GLIS1: variants seen among roughly 807,000 people sequenced by gnomAD.
The protein encoded by GLIS1 is GLIS family zinc finger 1.
In GLIS1, 24 loss-of-function variants were observed where a neutral mutation model predicts 63.8. The observed-to-expected ratio is 0.38, with a 90% CI of 0.27 to 0.53. The LOEUF (loss-of-function observed/expected upper bound fraction) is 0.53. Among genes scored for constraint, GLIS1 ranks in the 20% least tolerant of loss-of-function variants. The probability of loss-of-function intolerance (pLI) is 0.85; values close to 1 mark genes in which losing one functional copy is unlikely to be tolerated. For missense variants in GLIS1, 1,036 were observed against 1,074.1 expected, an observed-to-expected ratio of 0.96 and a Z score of 0.50; for synonymous variants, 450 against 482.5, an observed-to-expected ratio of 0.93 and a Z score of 0.88.
At chr1:53,648,190 TA>T (rs1206218177) in intron 2 of GLIS1, among the ~76,000 whole-genome samples, 1 of 151,286 alleles carries the variant, frequency 6.6e-6, no homozygotes, top group Non-Finnish European at 1.5e-5. Flanking sequence ...AAATAAAAAT[TA>T]AAAAAAAGAC....
At position 53,506,775 on chromosome 1, in the gene GLIS1, G is replaced by C; in HGVS notation, c.2232C>G (p.Gly744=). 2 of 1,608,800 alleles carry C rather than the reference G, an allele frequency of 1.2e-6. No homozygotes were observed. Among genetic ancestry groups the C allele is most frequent in the Non-Finnish European group, 1.7e-6 (2 of 1,179,656 alleles). ...ATGAGGCCTCAGCCAGGGCCTCATAGCCTGTGAGTGGTTGGGAAAGGGTCA... is the reference window on the plus strand; with the variant it reads ...ATGAGGCCTCAGCCAGGGCCTCATACCCTGTGAGTGGTTGGGAAAGGGTCA... The part of the protein sequence containing the change: ...HSLSTPLPAT[G]YEALAEASCP... Residue 744 remains glycine, a splice_region_variant and synonymous_variant, in exon 11 of 11, where the codon GGC becomes GGG. Transcript: ENST00000628545.
chr1:53,507,108 A>G (rs1383190360), intron 10 of GLIS1, among the ~76,000 whole-genome samples: 1 of 152,094 alleles, frequency 6.6e-6, no homozygotes, highest in Non-Finnish European at 1.5e-5. Flanking sequence ...GGAGCAGCTC[A>G]GCCCTTGCCC....
chr1:53,624,650 C>T (rs1013889062), intron 2 of GLIS1, among the ~76,000 whole-genome samples: 18 of 151,972 alleles, frequency 1.2e-4, no homozygotes, highest in African/African-American at 4.1e-4. Context: ...AAGTGATCCT[C>T]CTGCCTCAGC....
At chr1:53,644,657 G>A (rs1454881502) in intron 2 of GLIS1, among the ~76,000 whole-genome samples, 1 of 152,326 alleles carries the variant, frequency 6.6e-6, no homozygotes, top group East Asian at 1.9e-4. Flanking sequence ...CCAGCAGAGG[G>A]AACAGATGGG....
chr1:53,603,455 A>G (rs1382361496), intron 2 of GLIS1, among the ~76,000 whole-genome samples: 5 of 152,184 alleles, frequency 3.3e-5, no homozygotes, highest in African/African-American at 1.2e-4. Context: ...AACACTGCAA[A>G]CACGTGTCCC....
chr1:53,705,075 T>C (rs1646564349), intron 2 of GLIS1, among the ~76,000 whole-genome samples: 1 of 152,222 alleles, frequency 6.6e-6, no homozygotes. Flanking sequence ...GGAGGCATTT[T>C]GCTTTTCAGG....
intron 2 of GLIS1, among the ~76,000 whole-genome samples, chr1:53,658,655 C>G (rs1030154862): frequency 6.6e-6 from 1 of 152,190 alleles, no homozygotes; most frequent in African/African-American, 2.4e-5. Flanking sequence ...CAGGTGGGTC[C>G]TCTGGGCCGA....
intron 2 of GLIS1, among the ~76,000 whole-genome samples, chr1:53,644,812 AG>A (rs1362170907): frequency 6.6e-6 from 1 of 152,200 alleles, no homozygotes; most frequent in Admixed American, 6.5e-5. Context: ...TGAGTGCCAC[AG>A]GGGCTCACTC....
At chr1:53,586,402 C>T (rs1301822777) in intron 4 of GLIS1, among the ~76,000 whole-genome samples, 2 of 152,182 alleles carry the variant, frequency 1.3e-5, no homozygotes, top group African/African-American at 4.8e-5. Context: ...GTCACAGAGC[C>T]AGCCCATGGC....
intron 2 of GLIS1, among the ~76,000 whole-genome samples, chr1:53,710,387 T>C (rs1646634494): frequency 6.6e-6 from 1 of 152,254 alleles, no homozygotes; most frequent in Admixed American, 6.5e-5. Flanking sequence ...TCTCGCATGC[T>C]TTATCTCATT....
rs1302715288 is a variant in GLIS1, at chr1:53,539,538, C to A, written c.1321-9586G>T. 1.7e-5 allele frequency among the ~76,000 whole-genome samples: 1 copy of A among 58,184 alleles called. No homozygotes were observed. Among genetic ancestry groups the A allele is most frequent in the African/African-American group, 5.1e-5 (1 of 19,502 alleles). 38.2% of individuals were successfully genotyped at this position (58,184 alleles called of 152,430 possible). ...CCACACCACACACACACATACCACA[C>A]GGTATACACCCCCCCACACACACTA... is the stretch of plus-strand genomic sequence containing the variant. On this transcript the variant is annotated intron_variant, in intron 4 of 10. Coordinates refer to ENST00000628545, the MANE Select transcript of GLIS1 (RefSeq NM_001367484.1). This position sits in a 1 kb window ranked among gnomAD's most constrained non-coding sequence, Gnocchi z 5.0.
chr1:53,726,260 C>T (rs757420438), intron 2 of GLIS1, among the ~76,000 whole-genome samples: 1 of 152,022 alleles, frequency 6.6e-6, no homozygotes, highest in Non-Finnish European at 1.5e-5. Flanking sequence ...GCAGCTAACA[C>T]CTACCAGCTC....
At chr1:53,702,025 A>C (rs938325917) in intron 2 of GLIS1, among the ~76,000 whole-genome samples, 12 of 150,808 alleles carry the variant, frequency 8.0e-5, no homozygotes, top group Admixed American at 4.0e-4. Context: ...AAAAAAAAGA[A>C]AGTCCAGCTT....
At chr1:53,683,025 G>C (rs115705525) in intron 2 of GLIS1, among the ~76,000 whole-genome samples, 1,710 of 152,304 alleles carry the variant, frequency 0.011, 26 homozygotes, top group African/African-American at 0.039. Context: ...GTGAGCAAAG[G>C]CTGCAGCAAA....
chr1:53,648,049 C>CT (rs1363271774), intron 2 of GLIS1, among the ~76,000 whole-genome samples: 1 of 151,918 alleles, frequency 6.6e-6, no homozygotes, highest in Non-Finnish European at 1.5e-5. Context: ...GTATGTGCAC[C>CT]TGTGGTCCCA....
Position 53,524,672 on chromosome 1 carries a change from G to A in GLIS1, c.1593+105C>T, listed in dbSNP as rs1644445831. The A allele has an allele frequency of 3.9e-6, 3 of 772,034 alleles. No homozygotes were observed. The Admixed American group carries it at 5.8e-5, about 15-fold the overall frequency. The allele number at this position is 772,034 out of a possible 1,614,324, so 47.8% of individuals were successfully genotyped here. A position where few individuals can be genotyped will look rare whatever the true frequency, so the allele number is the denominator to read the frequency against. On this transcript the variant is annotated intron_variant, in intron 6 of 10. Coordinates refer to ENST00000628545, the MANE Select transcript of GLIS1 (RefSeq NM_001367484.1). ...ACGGATGGACGAACAGTGGCATACA[G>A]GGCGAGTGGGTGGGCAGATGCATGT...
At position 53,594,516 on chromosome 1, in the gene GLIS1, G is replaced by C; in HGVS notation, c.912C>G (p.Ser304Arg). The part of the protein sequence containing the change: ...RARPGPASTD[S>R]HEGSLQLEAC... ...CTTCAAGTTGCAAGCTGCCCTCATGGCTGTCCGTCGATGCAGGGCCAGGCC... is the reference window on the plus strand; with the variant it reads ...CTTCAAGTTGCAAGCTGCCCTCATGCCTGTCCGTCGATGCAGGGCCAGGCC... Residue 304 changes from serine (S) to arginine (R), a missense_variant, in exon 4 of 11, where the codon AGC becomes AGG. Around this residue, in one of 3 missense-constraint regions of GLIS1, gnomAD observed 592 missense variants for 593.9 expected, o/e 1.00. Transcript: ENST00000628545. 6.2e-7 allele frequency: 1 copy of C among 1,612,580 alleles called. No individual in the cohort carries two copies.
intron 2 of GLIS1, among the ~76,000 whole-genome samples, chr1:53,669,306 G>A (rs749448638): frequency 6.6e-6 from 1 of 152,240 alleles, no homozygotes; most frequent in Non-Finnish European, 1.5e-5. Flanking sequence ...GGAAGGGGGT[G>A]GAGTGTGAGC....
chr1:53,620,910 T>C (rs886375172), intron 2 of GLIS1, among the ~76,000 whole-genome samples: 3 of 152,210 alleles, frequency 2.0e-5, no homozygotes, highest in Non-Finnish European at 4.4e-5. Context: ...TGGGCTCCAC[T>C]GTCAGGCTAC....
Sources: gnomAD v4.1 joint callset for allele counts (sites outside exome capture counted in the v4.1 genomes callset) on GRCh38, gnomAD v4.1.1 for gene constraint, gnomAD v4.1.1 regional missense constraint, Gnocchi (gnomAD v3.1) non-coding constraint, MANE v1.5 for transcripts, NCBI Gene and HGNC (gene_info 2026-07-23, HGNC 2026-07-21) for gene names.